Variants in GLB1 observed in about 807,000 individuals in gnomAD.
GLB1 encodes the protein galactosidase beta 1.
GLB1 carries 56 observed loss-of-function variants against 74.0 expected under a neutral mutation model. The ratio of observed to expected loss-of-function variants is 0.76; its 90% CI spans 0.61 to 0.94. The LOEUF (loss-of-function observed/expected upper bound fraction) is 0.94. Ranked by LOEUF, GLB1 falls within the 40% of genes least tolerant of loss-of-function variation. GLB1 has a pLI of 0.00. For synonymous variants in GLB1, 323 were observed against 323.6 expected, an observed-to-expected ratio of 1.00 and a Z score of 0.02; for missense variants, 787 against 845.5, an observed-to-expected ratio of 0.93 and a Z score of 0.86.
chr3:33,052,034 G>A (rs1699015725), intron 7 of GLB1, 30 bp from the exon 8 acceptor site: 1 of 1,611,638 alleles, frequency 6.2e-7, no homozygotes, highest in Non-Finnish European at 8.5e-7. Flanking sequence ...TAGCCCTTAG[G>A]ATAGACTTAT....
chr3:33,084,355 C>T (rs1575489462), intron 1 of GLB1, among the ~76,000 whole-genome samples: 1 of 152,204 alleles, frequency 6.6e-6, no homozygotes, highest in Non-Finnish European at 1.5e-5. Context: ...ACCCTGATTA[C>T]ATCAGAGCTA....
chr3:32,966,257 G>A, the GLB1 span, among the ~76,000 whole-genome samples: 4 of 152,208 alleles, frequency 2.6e-5, no homozygotes, highest in African/African-American at 4.8e-5. Context: ...CCACAGGGGC[G>A]GAGCTTCCCA....
At chr3:33,081,347 T>C (rs1466472496) in intron 1 of GLB1, among the ~76,000 whole-genome samples, 2 of 152,154 alleles carry the variant, frequency 1.3e-5, no homozygotes, top group East Asian at 3.8e-4. Flanking sequence ...TATATTCTAT[T>C]GGTAAGAGCC....
At chr3:33,059,631 T>A (rs989174778) in intron 5 of GLB1, among the ~76,000 whole-genome samples, 1 of 152,148 alleles carries the variant, frequency 6.6e-6, no homozygotes, top group Non-Finnish European at 1.5e-5. Context: ...CTGATGGTCA[T>A]AAGCGTCAGG....
chr3:33,093,302 C>T lies in GLB1; in HGVS notation c.75+3709G>A. The T allele has an allele frequency of 6.2e-7, 1 of 1,614,194 alleles. No individual in the cohort carries two copies. The highest frequency in any genetic ancestry group is 8.5e-7 in the Non-Finnish European group (1 of 1,180,046). Reference sequence around the variant, plus strand: ...TCTTCACGTTCTCATTATGAAGAGGCTGGACATGCAGGGATTCCAGAAGTG... The same window carrying T: ...TCTTCACGTTCTCATTATGAAGAGGTTGGACATGCAGGGATTCCAGAAGTG... On this transcript the variant is annotated intron_variant, in intron 1 of 15. Coordinates refer to ENST00000307363, the MANE Select transcript of GLB1 (RefSeq NM_000404.4). This position sits in a 1 kb window ranked among gnomAD's most constrained non-coding sequence, Gnocchi z 6.0.
At chr3:32,974,592 C>T in the GLB1 span, among the ~76,000 whole-genome samples, 1 of 152,062 alleles carries the variant, frequency 6.6e-6, no homozygotes, top group African/African-American at 2.4e-5. Context: ...GCTGGAGATC[C>T]AGGAGAGCTG....
chr3:32,984,688 C>T, the GLB1 span, among the ~76,000 whole-genome samples: 3,451 of 152,104 alleles, frequency 0.023, 129 homozygotes, highest in African/African-American at 0.077. Flanking sequence ...CTTTGGGAGG[C>T]TGAGGCAGGT....
In GLB1 at chr3:33,093,602, A is replaced by G; in HGVS notation, c.75+3409T>C. The G allele has an allele frequency of 6.2e-7, 1 of 1,614,130 alleles. No homozygotes were observed. Among genetic ancestry groups the G allele is most frequent in the African/African-American group, 1.3e-5 (1 of 75,040 alleles). On this transcript the variant is annotated intron_variant, in intron 1 of 15. Coordinates refer to ENST00000307363, the MANE Select transcript of GLB1 (RefSeq NM_000404.4). This position sits in a 1 kb window ranked among gnomAD's most constrained non-coding sequence, Gnocchi z 6.0. Reference sequence around the variant, plus strand: ...GGTTGTTCATTGAGGCAGGCAGCTGATGGATGGGCACCTCCACAGTTTTCA... The same window carrying G: ...GGTTGTTCATTGAGGCAGGCAGCTGGTGGATGGGCACCTCCACAGTTTTCA...
rs1022203043 is a variant in GLB1, at chr3:33,096,474, G to A, written c.75+537C>T. The stretch of plus-strand genomic sequence containing the variant: ...TACAAAGAAAAACCCAAGCCAAAGG[G>A]CAGGCGACGGGGAGTGGTGAGAAAG... On this transcript the variant is annotated intron_variant, in intron 1 of 15. Transcript: ENST00000307363. 3.4e-5 allele frequency: 33 copies of A among 984,866 alleles called. No individual in the cohort carries two copies. The South Asian group carries it at 7.1e-4, about 21-fold the overall frequency. The allele number at this position is 984,866 out of a possible 1,614,324, so 61.0% of individuals were successfully genotyped here.
intron 9 of GLB1, among the ~76,000 whole-genome samples, chr3:33,048,525 C>A (rs1310724505): frequency 1.3e-5 from 2 of 152,222 alleles, no homozygotes; most frequent in Non-Finnish European, 2.9e-5. Flanking sequence ...GAGACACACA[C>A]CTGCACAGGC....
intron 10 of GLB1, among the ~76,000 whole-genome samples, chr3:33,044,525 A>G (rs1698664061): frequency 6.6e-6 from 1 of 152,190 alleles, no homozygotes; most frequent in African/African-American, 2.4e-5. Flanking sequence ...GCTTCAAAAC[A>G]GAACAAACAT....
At chr3:32,991,291 A>C in the GLB1 span, among the ~76,000 whole-genome samples, 80 of 152,322 alleles carry the variant, frequency 5.3e-4, no homozygotes, top group African/African-American at 1.9e-3. Flanking sequence ...GGCTAAATGA[A>C]CCACTTAGCC....
Position 33,018,446 on chromosome 3 carries a change from A to T in GLB1, c.1347+2T>A. On this transcript the variant is annotated splice_donor_variant, in intron 13 of 15. Transcript: ENST00000307363. LOFTEE classifies it high-confidence loss of function. ...AACGCACAGTTCAGAGACGATTCTTACCCCATCCACAGCAACATATGCTCG... is the reference window on the plus strand; with the variant it reads ...AACGCACAGTTCAGAGACGATTCTTTCCCCATCCACAGCAACATATGCTCG... 1 of 1,613,854 alleles carries T rather than the reference A, an allele frequency of 6.2e-7. No individual in the cohort carries two copies. The highest frequency in any genetic ancestry group is 8.5e-7 in the Non-Finnish European group (1 of 1,179,972).
At chr3:32,965,652 C>G in the GLB1 span, among the ~76,000 whole-genome samples, 1 of 152,264 alleles carries the variant, frequency 6.6e-6, no homozygotes, top group African/African-American at 2.4e-5. Flanking sequence ...GCTGAATATT[C>G]TTCACTAAGA....
chr3:32,996,027 C>T (rs773555746), downstream of GLB1, among the ~76,000 whole-genome samples: 6 of 152,120 alleles, frequency 3.9e-5, no homozygotes, highest in Non-Finnish European at 8.8e-5. Context: ...AATGTGTACC[C>T]GGACACTAGA....
intron 9 of GLB1, among the ~76,000 whole-genome samples, chr3:33,048,499 A>C (rs1394530123): frequency 6.6e-6 from 1 of 152,200 alleles, no homozygotes; most frequent in Non-Finnish European, 1.5e-5. Context: ...GTGGACACAC[A>C]CAGGTGTGGA....
the GLB1 span, among the ~76,000 whole-genome samples, chr3:32,980,430 T>C: frequency 6.6e-6 from 1 of 152,248 alleles, no homozygotes; most frequent in Admixed American, 6.5e-5. Context: ...GCTATAACTT[T>C]CCCTCTAAAT....
chr3:33,057,012 C>T (rs1244948263), intron 6 of GLB1, among the ~76,000 whole-genome samples: 1 of 152,186 alleles, frequency 6.6e-6, no homozygotes, highest in Non-Finnish European at 1.5e-5. Flanking sequence ...CCCACCAAAT[C>T]TCATGTCGAA....
At position 33,021,573 on chromosome 3, in the gene GLB1, A is replaced by C. The variant is rs777883040; in HGVS notation, c.1226T>G (p.Val409Gly). 4 of 1,613,886 alleles carry C rather than the reference A, an allele frequency of 2.5e-6. No homozygotes were observed. Among genetic ancestry groups the C allele is most frequent in the Non-Finnish European group, 1.7e-6 (2 of 1,179,932 alleles). ...KSLYPLTFIQVKQHYGFVLYR... is the reference protein window; with the variant it reads ...KSLYPLTFIQGKQHYGFVLYR... Reference sequence around the variant, plus strand: ...TTACCTTTGAAGGCCTACCTGTTTCACCTGGATAAATGTCAAGGGATAAAG... The same window carrying C: ...TTACCTTTGAAGGCCTACCTGTTTCCCCTGGATAAATGTCAAGGGATAAAG... Residue 409 changes from valine (V) to glycine (G), a missense_variant, in exon 12 of 16, where the codon GTG becomes GGG. Coordinates refer to ENST00000307363, the MANE Select transcript of GLB1 (RefSeq NM_000404.4).
Sources: gnomAD v4.1 joint callset for allele counts (sites outside exome capture counted in the v4.1 genomes callset) on GRCh38, gnomAD v4.1.1 for gene constraint, Gnocchi (gnomAD v3.1) non-coding constraint, MANE v1.5 for transcripts, NCBI Gene and HGNC (gene_info 2026-07-23, HGNC 2026-07-21) for gene names.